The following FANCA variants were observed in gnomAD, a reference collection of about 807,000 sequenced individuals.
FANCA encodes FA complementation group A, also known as Fanconi anemia group A protein.
Under a neutral mutation model 194.3 loss-of-function variants are expected in FANCA, and 236 were observed. The observed-to-expected ratio is 1.21, with a 90% CI of 1.09 to 1.35. The LOEUF (loss-of-function observed/expected upper bound fraction) is 1.35, where lower values mean the gene tolerates loss of function less well. FANCA is among the 40% of genes most tolerant of loss of function. The pLI is 0.00. For missense variants in FANCA, 2,628 were observed against 1,813.9 expected, an observed-to-expected ratio of 1.45 and a Z score of -8.15; for synonymous variants, 1,014 against 715.8, an observed-to-expected ratio of 1.42 and a Z score of -6.65.
At chr16:89,780,920 A>G (rs1170451425) in intron 17 of FANCA, among the ~76,000 whole-genome samples, 8 of 147,164 alleles carry the variant, frequency 5.4e-5, no homozygotes, top group Non-Finnish European at 1.1e-4. Flanking sequence ...ACAGAACAAC[A>G]TCCCACCTCA....
In FANCA at chr16:89,738,185, C is replaced by G; in HGVS notation, c.*416G>C. ...CTGCCCCTGGAGGCGGAACCACCAC[C>G]TGGGCCACCGAGCCCCTCTGTGACC... On this transcript the variant is annotated 3_prime_UTR_variant, in exon 43 of 43. Transcript: ENST00000389301. 1 of 1,612,066 alleles carries G rather than the reference C, an allele frequency of 6.2e-7. No homozygotes were observed. The highest frequency in any genetic ancestry group is 8.5e-7 in the Non-Finnish European group (1 of 1,179,520).
At chr16:89,783,763 A>G (rs2039803616) in intron 15 of FANCA, among the ~76,000 whole-genome samples, 1 of 151,940 alleles carries the variant, frequency 6.6e-6, no homozygotes, top group Admixed American at 6.6e-5. Flanking sequence ...GAGGGGACAC[A>G]GCGTGTTTTT....
At position 89,761,958 on chromosome 16, in the gene FANCA, T is replaced by G. The variant is rs193172749; in HGVS notation, c.2843A>C (p.Asp948Ala). Residue 948 changes from aspartate to alanine, a missense_variant, in exon 29 of 43, where the codon GAT becomes GCT. By Grantham distance (126) the Asp-to-Ala change is moderately radical. Transcript: ENST00000389301. ...EIQPEADALS[D>A]TERQDFHQWA... The stretch of plus-strand genomic sequence containing the variant: ...TCTTTTCAACACTTACCGTTCAGTA[T>G]CTGAAAGAGCATCAGCTTCAGGTTG... 1.2e-6 allele frequency: 2 copies of G among 1,613,896 alleles called. No individual in the cohort carries two copies. The highest frequency in any genetic ancestry group is 4.5e-5 in the East Asian group (2 of 44,884).
intron 11 of FANCA, 118 bp from the exon 12 acceptor site, chr16:89,792,665 T>C (rs1461298303): frequency 8.8e-6 from 7 of 793,372 alleles, no homozygotes; most frequent in South Asian, 5.7e-5. Flanking sequence ...GACGAGAGAG[T>C]GTAGAAAGAA....
chr16:89,778,822 G>A lies in FANCA; in HGVS notation c.1805C>T (p.Ala602Val), dbSNP rs374968669. The change falls in exon 20 of 43, where the codon GCG becomes GTG. Residue 602 changes from alanine to valine, a missense_variant. Ala to Val is a moderately conservative substitution (Grantham distance 64). Transcript: ENST00000389301. ...VLPKVPDSRV[A>V]FIESLKRADK... is the part of the protein sequence containing the mutation. ...ATACCTCTTCAGAGACTCTATAAACGCCACACGGGAGTCAGGGACTTTGGG... is the reference window on the plus strand; with the variant it reads ...ATACCTCTTCAGAGACTCTATAAACACCACACGGGAGTCAGGGACTTTGGG... 30 of 1,613,810 alleles carry A rather than the reference G, an allele frequency of 1.9e-5. No individual in the cohort carries two copies. The highest frequency in any genetic ancestry group is 2.7e-5 in the African/African-American group (2 of 74,870).
Position 89,803,358 on chromosome 16 carries a change from C to G in FANCA, c.710-17G>C, listed in dbSNP as rs2040524341. On this transcript the variant is annotated splice_polypyrimidine_tract_variant and intron_variant, in intron 7 of 42. Transcript: ENST00000389301. Reference sequence around the variant, plus strand: ...GAACAAAATCTGAAAAACCATAAAACCAAAGTTATTTATGGACATCATGGT... The same window carrying G: ...GAACAAAATCTGAAAAACCATAAAAGCAAAGTTATTTATGGACATCATGGT... 1.2e-6 allele frequency: 2 copies of G among 1,608,564 alleles called. No individual in the cohort carries two copies. Among genetic ancestry groups the G allele is most frequent in the East Asian group, 4.5e-5 (2 of 44,838 alleles).
At chr16:89,816,427 G>T in intron 1 of FANCA, 110 bp downstream of exon 1, 1 of 1,006,178 alleles carries the variant, frequency 9.9e-7, no homozygotes, top group Non-Finnish European at 1.3e-6. Context: ...CCCGGGCGCG[G>T]CGTCCGGGGA....
At chr16:89,767,321 T>G (rs1657318228) in intron 26 of FANCA, 84 bp from the exon 27 acceptor site, 2 of 967,134 alleles carry the variant, frequency 2.1e-6, no homozygotes, top group Non-Finnish European at 3.2e-6. Context: ...TTCATAAAAC[T>G]GAATTTAGTG....
In FANCA at chr16:89,779,874, C is replaced by T. The variant is rs17226344; in HGVS notation, c.1710G>A (p.Glu570=). 4 of 1,613,528 alleles carry T rather than the reference C, an allele frequency of 2.5e-6. No individual in the cohort carries two copies. The highest frequency in any genetic ancestry group is 3.5e-4 in the Middle Eastern group (2 of 5,656). Residue 570 remains glutamate, a synonymous_variant, in exon 18 of 43, where the codon GAG becomes GAA. Transcript: ENST00000389301. The part of the protein sequence containing the change: ...HTGNIPVTVM[E]ASIFRRPYYV... ...TTTTCGGCAGCCCAGCCTACCTGGC[C>T]TCCATGACGGTGACTGGGATGTTCC... is the stretch of plus-strand genomic sequence containing the variant.
chr16:89,759,962 A>T (rs2038896296), intron 29 of FANCA, among the ~76,000 whole-genome samples: 2 of 151,312 alleles, frequency 1.3e-5, no homozygotes, highest in Admixed American at 6.6e-5. Flanking sequence ...GCTGTGCGGG[A>T]CCGGGGTGCT....
Position 89,779,961 on chromosome 16 carries a change from G to C in FANCA, c.1627-4C>G. 3 of 1,613,912 alleles carry C rather than the reference G, an allele frequency of 1.9e-6. No individual in the cohort carries two copies. Among genetic ancestry groups the C allele is most frequent in the Admixed American group, 1.7e-5 (1 of 60,024 alleles). Reference sequence around the variant, plus strand: ...CCTGAAGAGCTTGGCTGTGGGGCTGGTTCCCATACAGGGAGGAAAGGAAAA... The same window carrying C: ...CCTGAAGAGCTTGGCTGTGGGGCTGCTTCCCATACAGGGAGGAAAGGAAAA... On this transcript the variant is annotated splice_polypyrimidine_tract_variant and splice_region_variant and intron_variant, in intron 17 of 42. Transcript: ENST00000389301.
intron 11 of FANCA, among the ~76,000 whole-genome samples, chr16:89,795,649 C>A (rs1328504132): frequency 1.3e-5 from 2 of 152,012 alleles, no homozygotes; most frequent in South Asian, 4.1e-4. Context: ...AACAAACAAA[C>A]AAAAAAGATA....
intron 18 of FANCA, among the ~76,000 whole-genome samples, chr16:89,779,570 G>A (rs947808747): frequency 9.2e-5 from 14 of 152,110 alleles, no homozygotes; most frequent in Non-Finnish European, 1.6e-4. Context: ...TTTTACAGAG[G>A]AAAAAATGTT....
chr16:89,795,838 C>CCAAGGCAA (rs1235073847), intron 11 of FANCA, 68 bp downstream of exon 11: 10 of 1,179,966 alleles, frequency 8.5e-6, no homozygotes, highest in Non-Finnish European at 1.0e-5. Context: ...GTCAGCGTTA[C>CCAAGGCAA]CAAGGCAACA....
chr16:89,813,712 C>T lies in FANCA; in HGVS notation c.283+808G>A, dbSNP rs572246241. On this transcript the variant is annotated intron_variant, in intron 3 of 42. Coordinates refer to ENST00000389301, the MANE Select transcript of FANCA (RefSeq NM_000135.4). The stretch of plus-strand genomic sequence containing the variant: ...CCTCCCAAAGTGCTGCGATTATAGG[C>T]GTGAGCCACTGTGCCAGGCCAACAA... 5.1e-4 allele frequency among the ~76,000 whole-genome samples: 77 copies of T among 152,214 alleles called. No individual in the cohort carries two copies. In the South Asian group the frequency reaches 0.015, roughly 29 times the overall value.
At chr16:89,793,531 T>C (rs533048406) in intron 11 of FANCA, among the ~76,000 whole-genome samples, 1 of 152,204 alleles carries the variant, frequency 6.6e-6, no homozygotes, top group East Asian at 1.9e-4. Flanking sequence ...TCTTGTTTTA[T>C]ATTTTATTAT....
In FANCA at chr16:89,757,392, T is replaced by G. The variant is rs898208615; in HGVS notation, c.2981+1185A>C. On this transcript the variant is annotated intron_variant, in intron 30 of 42. Transcript: ENST00000389301. ...GGTGCGTCAGCCTCCATACCTTCTG[T>G]GAGCATCAGTCAGCCATAAGAAGGA... is the stretch of plus-strand genomic sequence containing the variant. 7.2e-5 allele frequency among the ~76,000 whole-genome samples: 11 copies of G among 152,124 alleles called. 1 individual carries two copies. Among genetic ancestry groups the G allele is most frequent in the Admixed American group, 7.2e-4 (11 of 15,266 alleles).
At chr16:89,792,816 AGT>A (rs2143537028) in intron 11 of FANCA, 2 of 407,160 alleles carry the variant, frequency 4.9e-6, no homozygotes, top group South Asian at 4.1e-5. Flanking sequence ...CAGGGTAAAG[AGT>A]GTGAGTCATC....
At chr16:89,740,329 CAAAT>C (rs2062097778) in intron 38 of FANCA, 3 of 564,310 alleles carry the variant, frequency 5.3e-6, no homozygotes, top group Middle Eastern at 4.8e-4. Context: ...ACCACGTCCT[CAAAT>C]AAGACATTAA....
Sources: gnomAD v4.1 joint callset for allele counts (sites outside exome capture counted in the v4.1 genomes callset) on GRCh38, gnomAD v4.1.1 for gene constraint, MANE v1.5 for transcripts, NCBI Gene and HGNC (gene_info 2026-07-23, HGNC 2026-07-21) for gene names.